Variants in EVC observed in about 807,000 individuals in gnomAD.
EVC encodes the protein evC complex member EVC.
EVC carries 116 observed loss-of-function variants against 118.9 expected under a neutral mutation model. That is an observed-to-expected ratio of 0.98 (90% CI 0.84 to 1.14). EVC has a LOEUF of 1.14. Among genes scored for constraint, EVC ranks in the 50% most tolerant of loss-of-function variants. The probability of loss-of-function intolerance (pLI) is 0.00; values close to 1 mark genes in which losing one functional copy is unlikely to be tolerated. For synonymous variants in EVC, 619 were observed against 534.7 expected (o/e 1.16, Z -2.18); for missense variants, 1,401 against 1,246.4 (o/e 1.12, Z -1.87).
chr4:5,773,003 G>C (rs552424283), intron 11 of EVC, among the ~76,000 whole-genome samples: 2 of 152,254 alleles, frequency 1.3e-5, no homozygotes, highest in Admixed American at 1.3e-4. Flanking sequence ...CCACAGCCTG[G>C]GGGGAGCATG....
At chr4:5,791,814 C>T (rs1306613899) in intron 12 of EVC, among the ~76,000 whole-genome samples, 1 of 152,090 alleles carries the variant, frequency 6.6e-6, no homozygotes, top group Admixed American at 6.5e-5. Flanking sequence ...CCAACGTGAA[C>T]ACTGTCCAAC....
intron 12 of EVC, among the ~76,000 whole-genome samples, chr4:5,791,603 A>G (rs530476622): frequency 6.6e-6 from 1 of 152,282 alleles, no homozygotes; most frequent in Admixed American, 6.5e-5. Context: ...TAAATATACA[A>G]CTTAAAAACT....
chr4:5,758,585 A>T (rs1731535898), intron 11 of EVC, among the ~76,000 whole-genome samples: 2 of 152,196 alleles, frequency 1.3e-5, no homozygotes, highest in Non-Finnish European at 2.9e-5. Context: ...GTCAAGACTC[A>T]CATCCCTGGC....
chr4:5,767,963 G>C (rs567392154), intron 11 of EVC, among the ~76,000 whole-genome samples: 8 of 152,318 alleles, frequency 5.3e-5, no homozygotes, highest in Non-Finnish European at 1.2e-4. Context: ...TTCTTCCTCA[G>C]TCTGCTAACC....
Position 5,742,254 on chromosome 4 carries a change from A to C in EVC, c.801+440A>C. Among the ~76,000 whole-genome samples the C allele has an allele frequency of 6.6e-6, 1 of 152,154 alleles. No homozygotes were observed. Among genetic ancestry groups the C allele is most frequent in the Non-Finnish European group, 1.5e-5 (1 of 68,042 alleles). ...TGGTATCCTGGCTTTATCTTTTACA[A>C]GCTCTCAGAATCGTAGTTTCCTTTT... On this transcript the variant is annotated intron_variant, in intron 6 of 20. Transcript: ENST00000264956. This position sits in a 1 kb window ranked among gnomAD's most constrained non-coding sequence, Gnocchi z 5.2.
At position 5,755,345 on chromosome 4, in the gene EVC, G is replaced by A. The variant is rs1056902470; in HGVS notation, c.1465-919G>A. 1.3e-5 allele frequency among the ~76,000 whole-genome samples: 2 copies of A among 152,158 alleles called. No individual in the cohort carries two copies. The highest frequency in any genetic ancestry group is 6.5e-5 in the Admixed American group (1 of 15,284). On this transcript the variant is annotated intron_variant, in intron 10 of 20. Coordinates refer to ENST00000264956, the MANE Select transcript of EVC (RefSeq NM_153717.3). The surrounding 1 kb of genome is among the most constrained non-coding windows in gnomAD (Gnocchi z 4.1). ...GCCTCAGCGCTGGCGTTCAGGACAC[G>A]TGGGACGCAGGCAGGGAAGGGTGAA...
In EVC at chr4:5,737,651, G is replaced by A. The variant is rs1321644035; in HGVS notation, c.703-4065G>A. Among the ~76,000 whole-genome samples the A allele has an allele frequency of 6.6e-6, 1 of 152,108 alleles. No individual in the cohort carries two copies. Among genetic ancestry groups the A allele is most frequent in the Non-Finnish European group, 1.5e-5 (1 of 68,012 alleles). Reference sequence around the variant, plus strand: ...TCTACTCTGCCTGTGCTCTATAAGTGGAACAACAAAGCCTGGATCACAACA... The same window carrying A: ...TCTACTCTGCCTGTGCTCTATAAGTAGAACAACAAAGCCTGGATCACAACA... On this transcript the variant is annotated intron_variant, in intron 5 of 20. Coordinates refer to ENST00000264956, the MANE Select transcript of EVC (RefSeq NM_153717.3). This position sits in a 1 kb window ranked among gnomAD's most constrained non-coding sequence, Gnocchi z 5.0.
Position 5,797,031 on chromosome 4 carries a change from G to C in EVC, c.1896G>C (p.Arg632=), listed in dbSNP as rs758327867. Residue 632 remains arginine (R), a synonymous_variant, in exon 14 of 21, where the codon CGG becomes CGC. Coordinates refer to ENST00000264956, the MANE Select transcript of EVC (RefSeq NM_153717.3). ...RLGGLTEEST[R]CVLQGHDLLL... ...CCTGCTTTCCTCAAAGGTCCACGCG[G>C]TGTGTCCTGCAGGGGCATGACCTGC... 1.9e-6 allele frequency: 3 copies of C among 1,612,816 alleles called. No individual in the cohort carries two copies. The highest frequency in any genetic ancestry group is 2.5e-6 in the Non-Finnish European group (3 of 1,179,648).
At chr4:5,796,612 T>C (rs1244172709) in intron 13 of EVC, among the ~76,000 whole-genome samples, 1 of 152,060 alleles carries the variant, frequency 6.6e-6, no homozygotes. Context: ...TCTCAGCCTC[T>C]CAGCAGACAC....
At chr4:5,815,501 G>C (rs143781288), downstream of EVC, among the ~76,000 whole-genome samples, 1 of 152,138 alleles carries the variant, frequency 6.6e-6, no homozygotes, top group Non-Finnish European at 1.5e-5. Flanking sequence ...AGGGTAAAGC[G>C]TGATTTATAG....
chr4:5,724,458 C>A (rs749202083), intron 2 of EVC, among the ~76,000 whole-genome samples: 50 of 152,350 alleles, frequency 3.3e-4, no homozygotes, highest in Middle Eastern at 6.8e-3. Context: ...ATGGCACTTA[C>A]TCTTGCTGTT....
chr4:5,819,758 A>AT, the EVC span, among the ~76,000 whole-genome samples: 3 of 152,282 alleles, frequency 2.0e-5, no homozygotes, highest in African/African-American at 7.2e-5. Context: ...CGAACATCAA[A>AT]AATCCTTACC....
intron 16 of EVC, 81 bp downstream of exon 16, chr4:5,802,175 T>C (rs879655224): frequency 6.5e-7 from 1 of 1,538,906 alleles, no homozygotes; most frequent in Non-Finnish European, 9.0e-7. Context: ...GGATGTCAGA[T>C]ACTGTGAATT....
chr4:5,728,036 G>A (rs1726148106), intron 2 of EVC, among the ~76,000 whole-genome samples: 1 of 151,524 alleles, frequency 6.6e-6, no homozygotes, highest in Non-Finnish European at 1.5e-5. Flanking sequence ...TTTTGGCTTA[G>A]GATTGACTTG....
rs79174634 is a variant in EVC at position 5,757,940 on chromosome 4, C to T, written c.1563+1578C>T. On this transcript the variant is annotated intron_variant, in intron 11 of 20. Coordinates refer to ENST00000264956, the MANE Select transcript of EVC (RefSeq NM_153717.3). Reference sequence around the variant, plus strand: ...TTAGTCCAAACAGTGTCCTTCAAAACGTCATGTCCATCTGGAACCTCGGAA... The same window carrying T: ...TTAGTCCAAACAGTGTCCTTCAAAATGTCATGTCCATCTGGAACCTCGGAA... The T allele has an allele frequency of 7.1e-5, 43 of 606,086 alleles. No individual in the cohort carries two copies. The East Asian group carries it at 9.0e-4, about 13-fold the overall frequency. 37.5% of individuals were successfully genotyped at this position (606,086 alleles called of 1,614,324 possible).
intron 8 of EVC, among the ~76,000 whole-genome samples, chr4:5,751,144 G>A (rs538127847): frequency 1.3e-5 from 2 of 152,302 alleles, no homozygotes; most frequent in East Asian, 3.9e-4. Flanking sequence ...CCTGGCCGTT[G>A]TTCTCAATGC....
chr4:5,769,288 C>A (rs1413160900), intron 11 of EVC, among the ~76,000 whole-genome samples: 1 of 152,020 alleles, frequency 6.6e-6, no homozygotes, highest in Non-Finnish European at 1.5e-5. Flanking sequence ...TGAGACTTAC[C>A]CACTGTCACA....
intron 12 of EVC, 76 bp downstream of exon 12, chr4:5,783,840 C>A: frequency 7.5e-7 from 1 of 1,335,568 alleles, no homozygotes; most frequent in South Asian, 1.3e-5. Context: ...GATCTCACGT[C>A]CTGAACACCC....
At chr4:5,800,040 AC>A (rs1334737551) in intron 15 of EVC, among the ~76,000 whole-genome samples, 1 of 152,208 alleles carries the variant, frequency 6.6e-6, no homozygotes, top group African/African-American at 2.4e-5. Flanking sequence ...CTTCACAATT[AC>A]AAAAAAGTAA....
Sources: allele counts gnomAD v4.1 joint callset (sites outside exome capture counted in the v4.1 genomes callset), GRCh38; gene constraint gnomAD v4.1.1; non-coding constraint Gnocchi (gnomAD v3.1); transcripts MANE v1.5; gene names NCBI Gene and HGNC (gene_info 2026-07-23, HGNC 2026-07-21).